DNAH14: variants seen among roughly 807,000 people sequenced by gnomAD.
DNAH14 encodes dynein axonemal heavy chain 14, also known as axonemal beta dynein heavy chain 14.
In DNAH14, 478 loss-of-function variants were observed where a neutral mutation model predicts 520.9. The observed-to-expected ratio is 0.92, with a 90% CI of 0.85 to 0.99. The LOEUF (loss-of-function observed/expected upper bound fraction) is 0.99. DNAH14 is among the 50% of genes least tolerant of loss of function. DNAH14 has a pLI of 0.00. For synonymous variants in DNAH14, 1,581 were observed against 1,757.2 expected (o/e 0.90, Z 2.51); for missense variants, 4,831 against 5,234.5 (o/e 0.92, Z 2.38).
intron 35 of DNAH14, among the ~76,000 whole-genome samples, chr1:225,165,228 A>G (rs1201895023): frequency 1.3e-5 from 2 of 152,058 alleles, no homozygotes; most frequent in South Asian, 4.1e-4. Context: ...GGTCAATGTC[A>G]CTTCAATATT....
In DNAH14 at chr1:225,265,671, T is replaced by A. The variant is rs141126959; in HGVS notation, c.7410+302T>A. Among the ~76,000 whole-genome samples the A allele has an allele frequency of 4.3e-4, 66 of 152,282 alleles. No individual in the cohort carries two copies. In the East Asian group the frequency reaches 0.011, roughly 26 times the overall value. ...TTTGTTACTGTATATTCTACCACACTTTCTTCCTGTGACCATGGCTTGGGA... is the reference window on the plus strand; with the variant it reads ...TTTGTTACTGTATATTCTACCACACATTCTTCCTGTGACCATGGCTTGGGA... On this transcript the variant is annotated intron_variant, in intron 48 of 85. Transcript: ENST00000682510.
intron 23 of DNAH14, among the ~76,000 whole-genome samples, chr1:225,112,803 T>G (rs1169111716): frequency 6.6e-6 from 1 of 152,096 alleles, no homozygotes; most frequent in Admixed American, 6.6e-5. Flanking sequence ...ATTGCATTTT[T>G]CAAATACAGA....
rs1190967258 is a variant in DNAH14, at chr1:225,082,691, A to G, written c.3279A>G (p.Ser1093=). 5 of 1,551,288 alleles carry G rather than the reference A, an allele frequency of 3.2e-6. No homozygotes were observed. The South Asian group carries it at 5.9e-5, about 18-fold the overall frequency. ...CTCTCCAGGAGATTATTGGGAAGTC[A>G]GTTCCGCTTGATAAAAACTGTAAAG... ...WEALQEIIGK[S]VPLDKNCKVE... is the part of the protein sequence containing the mutation. Residue 1093 remains serine, a synonymous_variant, in exon 20 of 86, where the codon TCA becomes TCG. Transcript: ENST00000682510.
intron 1 of DNAH14, among the ~76,000 whole-genome samples, chr1:224,945,299 T>C (rs980957956): frequency 2.6e-5 from 4 of 152,224 alleles, no homozygotes; most frequent in African/African-American, 9.6e-5. Flanking sequence ...TACTGAGGCT[T>C]GTGCATTCGT....
intron 36 of DNAH14, among the ~76,000 whole-genome samples, chr1:225,179,057 T>C (rs1433192459): frequency 6.6e-6 from 1 of 152,216 alleles, no homozygotes. Flanking sequence ...CGTGGAACTG[T>C]AACTCCAATT....
At chr1:225,133,011 A>G (rs146726544) in intron 27 of DNAH14, among the ~76,000 whole-genome samples, 150 of 152,150 alleles carry the variant, frequency 9.9e-4, no homozygotes, top group South Asian at 2.3e-3. Flanking sequence ...TGTTGGGCGC[A>G]TGTATGTCTT....
At chr1:225,102,502 C>T (rs1232052178) in intron 23 of DNAH14, among the ~76,000 whole-genome samples, 1 of 152,174 alleles carries the variant, frequency 6.6e-6, no homozygotes. Context: ...TTTACAGTCC[C>T]ACCAACAGTG....
Position 225,059,355 on chromosome 1 carries a change from C to T in DNAH14, c.2424+7560C>T, listed in dbSNP as rs1258307911. Reference sequence around the variant, plus strand: ...CCGATACTAGGATTGCAACTCCTGCCTTTTTTTGTTTTCCATTTGCTTGGT... The same window carrying T: ...CCGATACTAGGATTGCAACTCCTGCTTTTTTTTGTTTTCCATTTGCTTGGT... On this transcript the variant is annotated intron_variant, in intron 17 of 85. Coordinates refer to ENST00000682510, the MANE Select transcript of DNAH14 (RefSeq NM_001367479.1). 2.0e-5 allele frequency among the ~76,000 whole-genome samples: 3 copies of T among 152,036 alleles called. No individual in the cohort carries two copies. In the South Asian group the frequency reaches 6.3e-4, roughly 32 times the overall value.
chr1:225,095,991 G>T (rs1240747249), intron 21 of DNAH14, among the ~76,000 whole-genome samples: 1 of 152,078 alleles, frequency 6.6e-6, no homozygotes, highest in Non-Finnish European at 1.5e-5. Context: ...TTTTGAGATG[G>T]TGTCTTGCTT....
intron 17 of DNAH14, among the ~76,000 whole-genome samples, chr1:225,060,648 T>C (rs1382084203): frequency 1.4e-5 from 2 of 145,730 alleles, no homozygotes; most frequent in Non-Finnish European, 3.0e-5. Flanking sequence ...TGTGGTTTTA[T>C]CTACCTTTGG....
intron 38 of DNAH14, 130 bp from the exon 39 acceptor site, chr1:225,204,053 G>T: frequency 4.1e-6 from 2 of 488,370 alleles, no homozygotes; most frequent in Non-Finnish European, 3.6e-6. Context: ...TTATATGTTG[G>T]TCTTTTCAGT....
At chr1:225,001,840 C>T (rs1232029370) in intron 8 of DNAH14, among the ~76,000 whole-genome samples, 1 of 151,924 alleles carries the variant, frequency 6.6e-6, no homozygotes, top group Non-Finnish European at 1.5e-5. Context: ...GTATCAGATA[C>T]TTAGAGGGAT....
chr1:225,038,276 G>A (rs950160763), intron 11 of DNAH14, among the ~76,000 whole-genome samples: 28 of 152,002 alleles, frequency 1.8e-4, no homozygotes, highest in African/African-American at 6.5e-4. Context: ...ATTTATTTAT[G>A]TATTTGAGAC....
chr1:225,078,162 A>G lies in DNAH14; in HGVS notation c.2425-1045A>G, dbSNP rs1382290360. 2.0e-5 allele frequency among the ~76,000 whole-genome samples: 3 copies of G among 152,174 alleles called. No homozygotes were observed. The East Asian group carries it at 5.8e-4, about 29-fold the overall frequency. On this transcript the variant is annotated intron_variant, in intron 17 of 85. Coordinates refer to ENST00000682510, the MANE Select transcript of DNAH14 (RefSeq NM_001367479.1). Reference sequence around the variant, plus strand: ...GGTTATAAATATAATAGATATAAGTATGGTGGAAAATAATGGGACGTGGAA... The same window carrying G: ...GGTTATAAATATAATAGATATAAGTGTGGTGGAAAATAATGGGACGTGGAA...
intron 20 of DNAH14, among the ~76,000 whole-genome samples, chr1:225,084,236 G>T (rs2073476776): frequency 6.6e-6 from 1 of 151,994 alleles, no homozygotes; most frequent in Admixed American, 6.5e-5. Flanking sequence ...AATAATAGAA[G>T]GGATAAGGAG....
intron 56 of DNAH14, among the ~76,000 whole-genome samples, 183 bp from the exon 57 acceptor site, chr1:225,302,973 C>G (rs1201855550): frequency 6.6e-6 from 1 of 152,098 alleles, no homozygotes; most frequent in Non-Finnish European, 1.5e-5. Context: ...CCAGTGCCTC[C>G]CCTACTGTTA....
intron 1 of DNAH14, among the ~76,000 whole-genome samples, chr1:224,932,779 A>G (rs1268251587): frequency 6.6e-6 from 1 of 152,042 alleles, no homozygotes; most frequent in East Asian, 1.9e-4. Context: ...ATTTGGTACA[A>G]TTGGTCTGTG....
intron 60 of DNAH14, among the ~76,000 whole-genome samples, chr1:225,309,774 T>G (rs1558339079): frequency 6.6e-6 from 1 of 152,026 alleles, no homozygotes; most frequent in Non-Finnish European, 1.5e-5. Context: ...AGGCCTGTAA[T>G]CCCAGCTACT....
intron 17 of DNAH14, among the ~76,000 whole-genome samples, chr1:225,073,379 G>A (rs2148506146): frequency 6.6e-6 from 1 of 151,980 alleles, no homozygotes; most frequent in African/African-American, 2.4e-5. Flanking sequence ...AATCTGTGTA[G>A]GCCAGAGAAC....
Sources: allele counts gnomAD v4.1 joint callset (sites outside exome capture counted in the v4.1 genomes callset), GRCh38; gene constraint gnomAD v4.1.1; transcripts MANE v1.5; gene names NCBI Gene and HGNC (gene_info 2026-07-23, HGNC 2026-07-21).